DCDC1: variants seen among roughly 807,000 people sequenced by gnomAD.
DCDC1 encodes doublecortin domain containing 1.
In DCDC1, 200 loss-of-function variants were observed where a neutral mutation model predicts 178.3. The observed-to-expected ratio is 1.12, with a 90% CI of 1.00 to 1.26. The LOEUF is 1.26. Among genes scored for constraint, DCDC1 ranks in the 50% most tolerant of loss-of-function variants. The pLI is 0.00. For synonymous variants in DCDC1, 690 were observed against 604.8 expected (o/e 1.14, Z -2.07); for missense variants, 1,983 against 1,749.2 (o/e 1.13, Z -2.38).
At chr11:30,980,155 T>G (rs1436549106) in intron 20 of DCDC1, among the ~76,000 whole-genome samples, 1 of 152,206 alleles carries the variant, frequency 6.6e-6, no homozygotes, top group Non-Finnish European at 1.5e-5. Flanking sequence ...TTTGTTTCAG[T>G]ACATCCCCAG....
chr11:31,173,386 A>G (rs1415729623), intron 9 of DCDC1, among the ~76,000 whole-genome samples: 1 of 152,236 alleles, frequency 6.6e-6, no homozygotes, highest in Non-Finnish European at 1.5e-5. Flanking sequence ...AAATATAAAA[A>G]TGAAAGCAGA....
At position 31,307,011 on chromosome 11, in the gene DCDC1, C is replaced by A. The variant is rs756463930; in HGVS notation, c.435-623G>T. On this transcript the variant is annotated intron_variant, in intron 4 of 38. Transcript: ENST00000684477. ...TTTCTCAGCAAAAGTATGTGGTAAA[C>A]TGACTAACGTCAAATTTTCTTCATA... Among the ~76,000 whole-genome samples the A allele has an allele frequency of 5.0e-4, 76 of 152,198 alleles. No homozygotes were observed. In the Middle Eastern group the frequency reaches 0.01, roughly 20 times the overall value.
intron 1 of DCDC1, among the ~76,000 whole-genome samples, chr11:31,360,601 C>G (rs1351848970): frequency 1.3e-5 from 2 of 152,154 alleles, no homozygotes; most frequent in Non-Finnish European, 2.9e-5. Flanking sequence ...TGTTCTCTGT[C>G]TCAAAATATC....
chr11:31,321,543 C>T (rs892488296), intron 3 of DCDC1, among the ~76,000 whole-genome samples: 9 of 152,138 alleles, frequency 5.9e-5, no homozygotes, highest in Admixed American at 2.0e-4. Context: ...CACTGGCCTG[C>T]GCCCACTGTC....
chr11:30,968,711 T>TTATATATATATATA (rs71451193), intron 20 of DCDC1, among the ~76,000 whole-genome samples: 2,393 of 60,858 alleles, frequency 0.039, 246 homozygotes, highest in Middle Eastern at 0.11. Flanking sequence ...ATATATCAAA[T>TTATATATATATATA]TATATATATA....
chr11:31,157,386 T>TATATATATATATAC, intron 9 of DCDC1, among the ~76,000 whole-genome samples: 1 of 142,726 alleles, frequency 7.0e-6, no homozygotes, highest in Non-Finnish European at 1.5e-5. Flanking sequence ...TATATATATA[T>TATATATATATATAC]ACATATATAT....
chr11:31,347,730 G>A (rs1950885379), intron 1 of DCDC1, among the ~76,000 whole-genome samples: 3 of 152,116 alleles, frequency 2.0e-5, no homozygotes, highest in Admixed American at 6.6e-5. Context: ...TTTGAGTCAG[G>A]TGGCCAAGAT....
intron 38 of DCDC1, among the ~76,000 whole-genome samples, chr11:30,876,527 T>A (rs187869995): frequency 6.6e-6 from 1 of 152,344 alleles, no homozygotes; most frequent in Admixed American, 6.5e-5. Context: ...TGTTGATGAC[T>A]GTTACATTAC....
At chr11:31,260,032 T>A (rs183337190) in intron 8 of DCDC1, among the ~76,000 whole-genome samples, 1 of 152,296 alleles carries the variant, frequency 6.6e-6, no homozygotes, top group African/African-American at 2.4e-5. Flanking sequence ...ACAAGGCATA[T>A]GAAAATGTTG....
chr11:31,038,074 T>TGGGG (rs59067878), intron 20 of DCDC1, among the ~76,000 whole-genome samples: 57,618 of 95,002 alleles, frequency 0.61, 14,281 homozygotes, highest in African/African-American at 0.67. Flanking sequence ...GGGCCTGTTG[T>TGGGG]TGGGGGAGGG....
intron 9 of DCDC1, among the ~76,000 whole-genome samples, chr11:31,197,976 T>C (rs1970875293): frequency 6.6e-6 from 1 of 152,020 alleles, no homozygotes; most frequent in African/African-American, 2.4e-5. Context: ...CTGGTTGATA[T>C]AAGTGCAAGT....
chr11:30,945,742 A>ATCTG (rs1565108537), intron 21 of DCDC1, among the ~76,000 whole-genome samples: 4 of 129,966 alleles, frequency 3.1e-5, no homozygotes, highest in South Asian at 4.9e-4. Context: ...CTATCTATCT[A>ATCTG]TCTATCTGTC....
At chr11:31,037,563 C>G (rs975294005) in intron 20 of DCDC1, among the ~76,000 whole-genome samples, 4 of 151,828 alleles carry the variant, frequency 2.6e-5, no homozygotes, top group Non-Finnish European at 5.9e-5. Flanking sequence ...TCCCCAGTAG[C>G]TGGGACTACA....
intron 15 of DCDC1, among the ~76,000 whole-genome samples, chr11:31,095,563 G>T (rs897520723): frequency 6.6e-6 from 1 of 152,154 alleles, no homozygotes; most frequent in Non-Finnish European, 1.5e-5. Context: ...CAAAGACAGG[G>T]AAAATAGCTG....
At chr11:30,961,415 G>A (rs1437055691) in intron 20 of DCDC1, among the ~76,000 whole-genome samples, 1 of 151,952 alleles carries the variant, frequency 6.6e-6, no homozygotes, top group East Asian at 1.9e-4. Flanking sequence ...ATAAATAACA[G>A]ATATTCCAGC....
chr11:31,330,101 G>A (rs1303486791), intron 2 of DCDC1, among the ~76,000 whole-genome samples: 3 of 152,166 alleles, frequency 2.0e-5, no homozygotes, highest in Non-Finnish European at 2.9e-5. Context: ...TCTAACTGGT[G>A]TGAGATGGTA....
chr11:31,052,253 AAG>A (rs1371927453), intron 20 of DCDC1, among the ~76,000 whole-genome samples: 4 of 152,214 alleles, frequency 2.6e-5, no homozygotes, highest in African/African-American at 9.6e-5. Context: ...AAAAGAGACA[AAG>A]AGAGACATTA....
intron 9 of DCDC1, among the ~76,000 whole-genome samples, chr11:31,235,896 C>T (rs2136833070): frequency 6.6e-6 from 1 of 152,050 alleles, no homozygotes; most frequent in Non-Finnish European, 1.5e-5. Flanking sequence ...GTCAATAAAG[C>T]TCTCTGGTTT....
intron 20 of DCDC1, among the ~76,000 whole-genome samples, chr11:31,048,313 T>C (rs1038804334): frequency 2.6e-5 from 4 of 152,220 alleles, no homozygotes; most frequent in Non-Finnish European, 4.4e-5. Context: ...TAGTAAATCA[T>C]AGAATAAGAG....
Sources: gnomAD v4.1 joint callset for allele counts (sites outside exome capture counted in the v4.1 genomes callset) on GRCh38, gnomAD v4.1.1 for gene constraint, MANE v1.5 for transcripts, NCBI Gene and HGNC (gene_info 2026-07-23, HGNC 2026-07-21) for gene names.